CNBD1: variants seen among roughly 807,000 people sequenced by gnomAD.
CNBD1 encodes cyclic nucleotide binding domain containing 1.
A neutral mutation model predicts 54.4 loss-of-function variants in CNBD1; 71 were observed. The ratio of observed to expected loss-of-function variants is 1.30; its 90% CI spans 1.08 to 1.59. The LOEUF (loss-of-function observed/expected upper bound fraction) is 1.59, where lower values mean the gene tolerates loss of function less well. CNBD1 is among the 40% of genes most tolerant of loss of function. CNBD1 has a pLI of 0.00. For missense variants in CNBD1, 659 were observed against 518.0 expected (o/e 1.27, Z -2.64); for synonymous variants, 182 against 170.7 (o/e 1.07, Z -0.51).
At chr8:87,390,126 A>T (rs1811277286) in intron 2 of CNBD1, among the ~76,000 whole-genome samples, 1 of 151,726 alleles carries the variant, frequency 6.6e-6, no homozygotes, top group Admixed American at 6.6e-5. Context: ...TAAACGTTAG[A>T]CCTAAAACCA....
At chr8:87,145,909 T>A (rs1388241017) in intron 4 of CNBD1, among the ~76,000 whole-genome samples, 1 of 152,150 alleles carries the variant, frequency 6.6e-6, no homozygotes, top group Non-Finnish European at 1.5e-5. Context: ...GATCATATTT[T>A]ACTTTCTACT....
chr8:87,165,474 A>G (rs1006932175), intron 4 of CNBD1, among the ~76,000 whole-genome samples: 1 of 151,938 alleles, frequency 6.6e-6, no homozygotes, highest in South Asian at 2.1e-4. Flanking sequence ...TGTCCTCTCA[A>G]TGGATCGACA....
intron 3 of CNBD1, among the ~76,000 whole-genome samples, chr8:86,935,927 C>T (rs1809539120): frequency 6.6e-6 from 1 of 151,936 alleles, no homozygotes; most frequent in South Asian, 2.1e-4. Flanking sequence ...GAGTGGATCA[C>T]TTTGAGCTCA....
chr8:86,908,146 T>C (rs747140194), intron 3 of CNBD1, among the ~76,000 whole-genome samples: 7 of 152,182 alleles, frequency 4.6e-5, no homozygotes, highest in Non-Finnish European at 1.0e-4. Flanking sequence ...GTTAAGTCCA[T>C]GTGGAGCAAG....
At chr8:87,152,532 G>A (rs1282707049) in intron 4 of CNBD1, among the ~76,000 whole-genome samples, 2 of 151,824 alleles carry the variant, frequency 1.3e-5, no homozygotes, top group African/African-American at 4.8e-5. Flanking sequence ...ATCCTGGGCT[G>A]CATGTGGCCC....
intron 6 of CNBD1, chr8:87,237,360 A>G: frequency 9.9e-6 from 3 of 302,308 alleles, no homozygotes; most frequent in Non-Finnish European, 1.8e-5. Context: ...GACAAGGTTG[A>G]TGTGGCTGGA....
At chr8:87,215,155 A>G (rs1296182226) in intron 5 of CNBD1, among the ~76,000 whole-genome samples, 1 of 152,186 alleles carries the variant, frequency 6.6e-6, no homozygotes, top group Non-Finnish European at 1.5e-5. Context: ...GGGTGAAAAA[A>G]GTGATGAACT....
intron 8 of CNBD1, among the ~76,000 whole-genome samples, chr8:87,332,821 T>A (rs1044912441): frequency 3.3e-5 from 5 of 152,316 alleles, no homozygotes; most frequent in African/African-American, 1.2e-4. Flanking sequence ...CCTCCAGCTT[T>A]GTTCTTTTTG....
intron 8 of CNBD1, among the ~76,000 whole-genome samples, chr8:87,311,301 G>T (rs1809258472): frequency 6.6e-6 from 1 of 151,984 alleles, no homozygotes; most frequent in Non-Finnish European, 1.5e-5. Flanking sequence ...GACATAAACA[G>T]ATGCTTCTTA....
intron 10 of CNBD1, among the ~76,000 whole-genome samples, chr8:87,381,833 C>T (rs1325854060): frequency 4.6e-5 from 7 of 151,572 alleles, no homozygotes; most frequent in Admixed American, 1.3e-4. Context: ...ATGGTGGTTA[C>T]GAGGGGTTGA....
At chr8:87,383,974 T>A (rs2130962384), downstream of CNBD1, among the ~76,000 whole-genome samples, 1 of 152,238 alleles carries the variant, frequency 6.6e-6, no homozygotes, top group Non-Finnish European at 1.5e-5. Context: ...TTGCCAGGAC[T>A]GGTAATGATT....
intron 4 of CNBD1, among the ~76,000 whole-genome samples, chr8:87,102,214 CTGAT>C (rs1160707142): frequency 1.3e-5 from 2 of 151,960 alleles, no homozygotes; most frequent in Non-Finnish European, 2.9e-5. Flanking sequence ...ATGGACATAA[CTGAT>C]TGGTGAGAGT....
chr8:87,086,071 A>C (rs2130672021), intron 4 of CNBD1, among the ~76,000 whole-genome samples: 1 of 152,256 alleles, frequency 6.6e-6, no homozygotes, highest in African/African-American at 2.4e-5. Context: ...TAATTTCAGC[A>C]ATGGGTCTCT....
At chr8:87,311,115 C>T (rs1015562787) in intron 8 of CNBD1, among the ~76,000 whole-genome samples, 7 of 151,950 alleles carry the variant, frequency 4.6e-5, no homozygotes, top group Non-Finnish European at 7.4e-5. Flanking sequence ...CTAAATTAAA[C>T]TAAAAAGCTT....
rs148309330 is a variant in CNBD1, at chr8:87,050,312, G to A, written c.431+110558G>A. On this transcript the variant is annotated intron_variant, in intron 4 of 10. Coordinates refer to ENST00000518476, the MANE Select transcript of CNBD1 (RefSeq NM_173538.3). ...TTCCCTCTGACAGGAGTAAACCTAG[G>A]TACTTCACTGAGGTTTGACAAAGCT... 3.8e-3 allele frequency among the ~76,000 whole-genome samples: 586 copies of A among 152,230 alleles called. 3 individuals carry two copies. The highest frequency in any genetic ancestry group is 0.013 in the African/African-American group (529 of 41,518).
intron 4 of CNBD1, among the ~76,000 whole-genome samples, chr8:87,027,867 C>T (rs1809684899): frequency 1.3e-5 from 2 of 152,240 alleles, no homozygotes; most frequent in South Asian, 2.1e-4. Context: ...CCAACTGCTG[C>T]AGCAACAAAC....
At chr8:87,087,594 G>T (rs192935496) in intron 4 of CNBD1, among the ~76,000 whole-genome samples, 1 of 151,230 alleles carries the variant, frequency 6.6e-6, no homozygotes, top group South Asian at 2.1e-4. Flanking sequence ...CTCCCGAGTA[G>T]CTGGGACTAC....
chr8:87,079,923 T>C (rs1210665427), intron 4 of CNBD1, among the ~76,000 whole-genome samples: 1 of 152,208 alleles, frequency 6.6e-6, no homozygotes, highest in East Asian at 1.9e-4. Context: ...ATTTTTCTCA[T>C]TTTTTTCTTC....
intron 2 of CNBD1, among the ~76,000 whole-genome samples, chr8:87,395,213 A>C (rs1356883431): frequency 6.6e-6 from 1 of 151,924 alleles, no homozygotes; most frequent in Non-Finnish European, 1.5e-5. Context: ...TATGTATTTT[A>C]AAGTTGCAAA....
Sources: allele counts gnomAD v4.1 joint callset (sites outside exome capture counted in the v4.1 genomes callset), GRCh38; gene constraint gnomAD v4.1.1; transcripts MANE v1.5; gene names NCBI Gene and HGNC (gene_info 2026-07-23, HGNC 2026-07-21).